Variants in CARHSP1 observed in about 807,000 individuals in gnomAD.
CARHSP1 encodes calcium-regulated heat-stable protein 1.
CARHSP1 carries 14 observed loss-of-function variants against 12.5 expected under a neutral mutation model. The observed-to-expected ratio is 1.12, with a 90% CI of 0.74 to 1.75. CARHSP1 has a LOEUF of 1.75. Ranked by LOEUF, CARHSP1 falls within the 40% of genes most tolerant of loss-of-function variation. The probability of loss-of-function intolerance (pLI) is 0.00; values close to 1 mark genes in which losing one functional copy is unlikely to be tolerated. For missense variants in CARHSP1, 343 were observed against 201.6 expected (o/e 1.70, Z -4.25); for synonymous variants, 161 against 82.0 (o/e 1.96, Z -5.20).
chr16:8,860,859 T>C (rs2061331689), intron 1 of CARHSP1, among the ~76,000 whole-genome samples: 1 of 151,846 alleles, frequency 6.6e-6, no homozygotes, highest in South Asian at 2.1e-4. Context: ...GAGACCAGCC[T>C]GGCCAACATG....
chr16:8,855,871 G>A (rs1453287136), intron 3 of CARHSP1, among the ~76,000 whole-genome samples: 1 of 152,186 alleles, frequency 6.6e-6, no homozygotes, highest in Non-Finnish European at 1.5e-5. Context: ...TGCCCAGGCT[G>A]GAGTGCAGTG....
chr16:8,855,388 C>T lies in CARHSP1; in HGVS notation c.282-62G>A. On this transcript the variant is annotated intron_variant, in intron 3 of 3. Transcript: ENST00000311052. ...CGGGACACAGCTCCCTTCCCCAAGA[C>T]ACCAGCCACCCTTCTGGTCACACAG... The T allele has an allele frequency of 2.9e-6, 4 of 1,374,720 alleles. No homozygotes were observed. In the East Asian group the frequency reaches 8.0e-5, roughly 27 times the overall value. 85.2% of individuals were successfully genotyped at this position (1,374,720 alleles called of 1,614,324 possible).
intron 1 of CARHSP1, among the ~76,000 whole-genome samples, chr16:8,866,128 A>G (rs2061450738): frequency 6.6e-6 from 1 of 151,830 alleles, no homozygotes; most frequent in South Asian, 2.1e-4. Flanking sequence ...TAATTTTTTT[A>G]TTTTTTGTAG....
intron 1 of CARHSP1, among the ~76,000 whole-genome samples, chr16:8,860,777 G>A (rs1413050295): frequency 6.6e-6 from 1 of 152,114 alleles, no homozygotes; most frequent in African/African-American, 2.4e-5. Context: ...TGGGCCAGGT[G>A]CGGTGGCTCA....
chr16:8,860,627 G>C (rs1299717575), intron 1 of CARHSP1: 1 of 417,148 alleles, frequency 2.4e-6, no homozygotes, highest in African/African-American at 2.3e-5. Flanking sequence ...CAGGGCTGGT[G>C]ATGGGGGTAC....
intron 3 of CARHSP1, chr16:8,857,397 C>G (rs1387182662): frequency 1.4e-4 from 20 of 146,196 alleles, no homozygotes; most frequent in African/African-American, 4.9e-4. Flanking sequence ...ATTCTCCTGC[C>G]TTAGCCTCCG....
chr16:8,858,771 T>C (rs1203484500), intron 2 of CARHSP1: 2 of 451,456 alleles, frequency 4.4e-6, no homozygotes, highest in East Asian at 3.7e-5. Flanking sequence ...TTACTATTAA[T>C]AACACAAGCA....
chr16:8,860,483 C>T, intron 1 of CARHSP1: 1 of 985,378 alleles, frequency 1.0e-6, no homozygotes, highest in Non-Finnish European at 1.2e-6. Flanking sequence ...CTAACGTGGC[C>T]TCAGCTCGAG....
intron 3 of CARHSP1, chr16:8,858,099 C>CCCAGGGA (rs1567182388): frequency 5.6e-6 from 3 of 531,798 alleles, no homozygotes; most frequent in Non-Finnish European, 6.8e-6. Flanking sequence ...CAAAGACACA[C>CCCAGGGA]CCAGGGACAA....
Position 8,858,363 on chromosome 16 carries a change from G to C in CARHSP1, c.268C>G (p.Leu90Val), listed in dbSNP as rs1162281996. The change falls in exon 3 of 4, where the codon CTG (leucine) becomes GTG (valine). Residue 90 changes from leucine (L) to valine (V), a missense_variant. Transcript: ENST00000311052. The part of the protein sequence containing the change: ...TPADGGPDIF[L>V]HISDVEGEYV... Reference sequence around the variant, plus strand: ...CCGCTGACTCACTCAGAGATGTGCAGGAAGATGTCGGGGCCGCCATCAGCT... The same window carrying C: ...CCGCTGACTCACTCAGAGATGTGCACGAAGATGTCGGGGCCGCCATCAGCT... 2.5e-6 allele frequency: 4 copies of C among 1,613,832 alleles called. No homozygotes were observed. The highest frequency in any genetic ancestry group is 1.1e-5 in the South Asian group (1 of 91,086).
rs189791401 is a variant in CARHSP1, at chr16:8,860,911, G to A, written c.-7-1576C>T. ...ACTAAAAATACAAAATTAGCTGGGCGTGGTGGTGGGTGCCTGTAATCCCAG... is the reference window on the plus strand; with the variant it reads ...ACTAAAAATACAAAATTAGCTGGGCATGGTGGTGGGTGCCTGTAATCCCAG... On this transcript the variant is annotated intron_variant, in intron 1 of 3. Transcript: ENST00000311052. Among the ~76,000 whole-genome samples, 786 of 151,604 alleles carry A rather than the reference G, an allele frequency of 5.2e-3. 3 individuals carry two copies. Among genetic ancestry groups the A allele is most frequent in the Admixed American group, 0.012 (180 of 15,238 alleles).
intron 1 of CARHSP1, among the ~76,000 whole-genome samples, chr16:8,865,372 A>C (rs930178708): frequency 6.6e-6 from 1 of 152,128 alleles, no homozygotes; most frequent in African/African-American, 2.4e-5. Flanking sequence ...AGCCTCCCAA[A>C]GTCCTCGGAT....
At chr16:8,858,539 C>G in intron 2 of CARHSP1, 67 bp from the exon 3 acceptor site, 1 of 1,580,298 alleles carries the variant, frequency 6.3e-7, no homozygotes, top group East Asian at 2.2e-5. Flanking sequence ...TCATTCCAGC[C>G]CCTGCCCACA....
Position 8,853,471 on chromosome 16 carries a change from T to G in CARHSP1, c.*1693A>C, listed in dbSNP as rs1442738757. Reference sequence around the variant, plus strand: ...GGGAACTGCCTTTGTCTCCACACACTCGCAATCAACATGCGTATTTGCTAT... The same window carrying G: ...GGGAACTGCCTTTGTCTCCACACACGCGCAATCAACATGCGTATTTGCTAT... On this transcript the variant is annotated 3_prime_UTR_variant, in exon 4 of 4. Transcript: ENST00000311052. 6.6e-6 allele frequency: 1 copy of G among 152,086 alleles called. No homozygotes were observed. The highest frequency in any genetic ancestry group is 1.5e-5 in the Non-Finnish European group (1 of 68,022). The allele number at this position is 152,086 out of a possible 1,614,324, so 9.4% of individuals were successfully genotyped here. A position where few individuals can be genotyped will look rare whatever the true frequency, so the allele number is the denominator to read the frequency against.
intron 1 of CARHSP1, chr16:8,866,378 G>A (rs2061454937): frequency 1.1e-6 from 1 of 938,624 alleles, no homozygotes; most frequent in Admixed American, 6.2e-5. Context: ...GAAGGGAAAT[G>A]GCGCAGGGAT....
intron 1 of CARHSP1, among the ~76,000 whole-genome samples, chr16:8,863,112 CTTTTTTTTT>C (rs71155412): frequency 8.1e-5 from 6 of 74,130 alleles, no homozygotes; most frequent in East Asian, 9.0e-4. Flanking sequence ...ACAAGGATGG[CTTTTTTTTT>C]TTTTTTTTTT....
Position 8,859,242 on chromosome 16 carries a change from G to C in CARHSP1, c.87C>G (p.Arg29=), listed in dbSNP as rs774347123. Residue 29 remains arginine (R), a synonymous_variant, in exon 2 of 4, where the codon CGC becomes CGG. Coordinates refer to ENST00000311052, the MANE Select transcript of CARHSP1 (RefSeq NM_014316.4). Reference sequence around the variant, plus strand: ...CGTTGCCCCGCAGAGGGGATGGTGAGCGCTCACGGCTCCGAGGGGTGTCCA... The same window carrying C: ...CGTTGCCCCGCAGAGGGGATGGTGACCGCTCACGGCTCCGAGGGGTGTCCA... ...GLLDTPRSRE[R]SPSPLRGNVV... is the part of the protein sequence containing the mutation. The C allele has an allele frequency of 6.2e-7, 1 of 1,601,554 alleles. No individual in the cohort carries two copies. Among genetic ancestry groups the C allele is most frequent in the Non-Finnish European group, 8.5e-7 (1 of 1,176,852 alleles).
rs148349349 is a variant in CARHSP1 at position 8,858,339 on chromosome 16, C to T, written c.281+11G>A. 8.9e-4 allele frequency: 1,433 copies of T among 1,612,556 alleles called. 5 individuals are homozygous for T. In the East Asian group the frequency reaches 0.015, roughly 17 times the overall value. Reference sequence around the variant, plus strand: ...CCCCAGCCAGGCCACCCAGACCTGCCGCTGACTCACTCAGAGATGTGCAGG... The same window carrying T: ...CCCCAGCCAGGCCACCCAGACCTGCTGCTGACTCACTCAGAGATGTGCAGG... On this transcript the variant is annotated intron_variant, in intron 3 of 3. Coordinates refer to ENST00000311052, the MANE Select transcript of CARHSP1 (RefSeq NM_014316.4).
At chr16:8,862,947 C>T (rs2061392133) in intron 1 of CARHSP1, among the ~76,000 whole-genome samples, 1 of 152,038 alleles carries the variant, frequency 6.6e-6, no homozygotes, top group East Asian at 1.9e-4. Flanking sequence ...GCCCCCTCAA[C>T]ACCCCAAGTG....
Sources: gnomAD v4.1 joint callset for allele counts (sites outside exome capture counted in the v4.1 genomes callset) on GRCh38, gnomAD v4.1.1 for gene constraint, MANE v1.5 for transcripts, NCBI Gene and HGNC (gene_info 2026-07-23, HGNC 2026-07-21) for gene names.